Variants in SPOCK1 observed in about 807,000 individuals in gnomAD.
SPOCK1 encodes the protein testican-1.
In SPOCK1, 23 loss-of-function variants were observed where a neutral mutation model predicts 55.3. The observed-to-expected ratio is 0.42, with a 90% CI of 0.30 to 0.59. The LOEUF is 0.59. Ranked by LOEUF, SPOCK1 falls within the 20% of genes least tolerant of loss-of-function variation. SPOCK1 has a pLI of 0.22. For synonymous variants in SPOCK1, 226 were observed against 221.0 expected (o/e 1.02, Z -0.20); for missense variants, 499 against 552.5 (o/e 0.90, Z 0.97).
At chr5:137,060,734 G>A (rs148311445) in intron 6 of SPOCK1, among the ~76,000 whole-genome samples, 2 of 151,966 alleles carry the variant, frequency 1.3e-5, no homozygotes, top group Non-Finnish European at 2.9e-5. Flanking sequence ...CTGAACTCTG[G>A]TTCCGACCGC....
chr5:137,040,556 C>T (rs1374110432), intron 6 of SPOCK1, among the ~76,000 whole-genome samples: 1 of 152,220 alleles, frequency 6.6e-6, no homozygotes, highest in African/African-American at 2.4e-5. Context: ...ATATGACAGA[C>T]CATAGAAGTG....
At chr5:137,286,305 G>A (rs1757264600) in intron 2 of SPOCK1, among the ~76,000 whole-genome samples, 1 of 152,180 alleles carries the variant, frequency 6.6e-6, no homozygotes, top group African/African-American at 2.4e-5. Flanking sequence ...AGAAAAGAGT[G>A]AATTTATACT....
intron 2 of SPOCK1, among the ~76,000 whole-genome samples, chr5:137,323,716 A>G (rs1443978269): frequency 6.6e-6 from 1 of 152,228 alleles, no homozygotes; most frequent in Admixed American, 6.5e-5. Context: ...GCCAACATGT[A>G]TGGGAAAAAA....
At chr5:137,232,617 T>C (rs554641058) in intron 3 of SPOCK1, among the ~76,000 whole-genome samples, 1 of 152,366 alleles carries the variant, frequency 6.6e-6, no homozygotes, top group East Asian at 1.9e-4. Context: ...GGTAGAGTGA[T>C]TCCTCCTACT....
intron 6 of SPOCK1, among the ~76,000 whole-genome samples, chr5:137,008,394 CTCAGATT>C (rs1751292566): frequency 1.3e-5 from 2 of 151,552 alleles, no homozygotes; most frequent in African/African-American, 4.8e-5. Flanking sequence ...TAAGTCTGCC[CTCAGATT>C]TCAGCACGGC....
intron 2 of SPOCK1, among the ~76,000 whole-genome samples, chr5:137,421,343 G>C (rs1040838428): frequency 6.6e-6 from 1 of 152,098 alleles, no homozygotes; most frequent in African/African-American, 2.4e-5. Context: ...TTCAATTCCT[G>C]GATATCCTTG....
intron 3 of SPOCK1, among the ~76,000 whole-genome samples, chr5:137,242,199 T>A (rs1005178176): frequency 6.6e-6 from 1 of 152,126 alleles, no homozygotes; most frequent in Non-Finnish European, 1.5e-5. Context: ...AAAACCCCAT[T>A]GATATGGTTT....
intron 2 of SPOCK1, among the ~76,000 whole-genome samples, chr5:137,346,412 C>G (rs1055225473): frequency 3.3e-5 from 5 of 152,134 alleles, no homozygotes; most frequent in Non-Finnish European, 7.4e-5. Flanking sequence ...TTGTCTGACC[C>G]CAACCTGCTT....
intron 6 of SPOCK1, among the ~76,000 whole-genome samples, chr5:136,994,296 T>C (rs1204211586): frequency 6.6e-6 from 1 of 152,200 alleles, no homozygotes; most frequent in African/African-American, 2.4e-5. Flanking sequence ...GAAACAACAC[T>C]GAGAAATGTC....
At chr5:137,211,181 C>T (rs1755607352) in intron 3 of SPOCK1, among the ~76,000 whole-genome samples, 1 of 152,156 alleles carries the variant, frequency 6.6e-6, no homozygotes, top group Admixed American at 6.5e-5. Flanking sequence ...AACACAGTTC[C>T]ACAGTCTAGC....
At chr5:137,220,117 G>A (rs1364653523) in intron 3 of SPOCK1, among the ~76,000 whole-genome samples, 2 of 152,144 alleles carry the variant, frequency 1.3e-5, no homozygotes. Flanking sequence ...TTTCTAGATA[G>A]AGCAACAAGA....
chr5:137,476,589 T>C (rs189958265), intron 2 of SPOCK1, among the ~76,000 whole-genome samples: 67 of 152,068 alleles, frequency 4.4e-4, no homozygotes, highest in African/African-American at 1.6e-3. Flanking sequence ...TCAGGCTGAG[T>C]GGGGCAGGGC....
intron 2 of SPOCK1, among the ~76,000 whole-genome samples, chr5:137,305,462 C>T (rs1288911506): frequency 1.3e-5 from 2 of 152,206 alleles, no homozygotes; most frequent in African/African-American, 4.8e-5. Flanking sequence ...GAGGTTAAGA[C>T]TTATTCAATG....
chr5:137,323,257 A>G (rs1005317157), intron 2 of SPOCK1, among the ~76,000 whole-genome samples: 1 of 152,182 alleles, frequency 6.6e-6, no homozygotes, highest in African/African-American at 2.4e-5. Context: ...GATTTTTTTT[A>G]AAAGAAAATG....
At chr5:137,024,226 C>T (rs1751625269) in intron 6 of SPOCK1, among the ~76,000 whole-genome samples, 1 of 144,944 alleles carries the variant, frequency 6.9e-6, no homozygotes, top group Admixed American at 7.3e-5. Context: ...AGAGTGCGGC[C>T]GAGGGTGACG....
chr5:137,149,916 CA>C (rs1754281776), intron 3 of SPOCK1, among the ~76,000 whole-genome samples: 1 of 152,170 alleles, frequency 6.6e-6, no homozygotes, highest in Admixed American at 6.5e-5. Context: ...CAGTTGCAGG[CA>C]AACAGATCCA....
At chr5:137,128,139 T>C (rs944531331) in intron 4 of SPOCK1, among the ~76,000 whole-genome samples, 2 of 152,230 alleles carry the variant, frequency 1.3e-5, no homozygotes, top group Non-Finnish European at 2.9e-5. Context: ...TAGATATTCC[T>C]GGCTGCTTCT....
chr5:137,019,124 C>T (rs1027758396), intron 6 of SPOCK1, among the ~76,000 whole-genome samples: 1 of 152,094 alleles, frequency 6.6e-6, no homozygotes, highest in Non-Finnish European at 1.5e-5. Context: ...CTGCTGGGGT[C>T]AGATGTGAAT....
intron 3 of SPOCK1, among the ~76,000 whole-genome samples, chr5:137,249,799 A>G (rs1291548828): frequency 6.6e-6 from 1 of 152,252 alleles, no homozygotes; most frequent in Non-Finnish European, 1.5e-5. Context: ...ACAATTAGAC[A>G]TTCCTTGAAA....
Sources: gnomAD v4.1 joint callset for allele counts (sites outside exome capture counted in the v4.1 genomes callset) on GRCh38, gnomAD v4.1.1 for gene constraint, MANE v1.5 for transcripts, NCBI Gene and HGNC (gene_info 2026-07-23, HGNC 2026-07-21) for gene names.